Variants in POLL observed in about 807,000 individuals in gnomAD.
POLL encodes the protein DNA polymerase lambda.
In POLL, 44 loss-of-function variants were observed where a neutral mutation model predicts 58.1. The ratio of observed to expected loss-of-function variants is 0.76; its 90% confidence interval spans 0.60 to 0.97. The LOEUF (loss-of-function observed/expected upper bound fraction) is 0.97, where lower values mean the gene tolerates loss of function less well. Ranked by LOEUF, POLL falls within the 50% of genes least tolerant of loss-of-function variation. POLL has a pLI of 0.00. For missense variants in POLL, 632 were observed against 736.8 expected, an observed-to-expected ratio of 0.86 and a Z score of 1.65; for synonymous variants, 290 against 283.2, an observed-to-expected ratio of 1.02 and a Z score of -0.24.
Position 101,579,880 on chromosome 10 carries a change from C to A in POLL, c.1364-63G>T. The stretch of plus-strand genomic sequence containing the variant: ...CCAGGCCTGGGCTGTCCCATCCTCC[C>A]AGGTCTCTCCTGATGTCTAAGCTGG... On this transcript the variant is annotated intron_variant, in intron 8 of 8. Transcript: ENST00000370162. This position sits in a 1 kb window ranked among gnomAD's most constrained non-coding sequence, Gnocchi z 4.4. 1 of 1,546,464 alleles carries A rather than the reference C, an allele frequency of 6.5e-7. No individual in the cohort carries two copies. Among genetic ancestry groups the A allele is most frequent in the Non-Finnish European group, 8.7e-7 (1 of 1,145,734 alleles).
rs746951206 is a variant in POLL at position 101,579,714 on chromosome 10, C to T, written c.1467G>A (p.Leu489=). ...CGCTATAGGGCACCACGATGATGTC[C>T]AGGCGCCGGTGCCGCCGCCCTGGCC... ...LPGPGRRHRR[L]DIIVVPYSEF... is the part of the protein sequence containing the mutation. The change falls in exon 9 of 9, where the codon CTG becomes CTA. Residue 489 remains leucine (L), a synonymous_variant. Transcript: ENST00000370162. The surrounding 1 kb of genome is among the most constrained non-coding windows in gnomAD (Gnocchi z 4.4). The T allele has an allele frequency of 6.2e-7, 1 of 1,613,870 alleles. No homozygotes were observed. The highest frequency in any genetic ancestry group is 1.7e-5 in the Admixed American group (1 of 60,024).
rs545400809 is a variant in POLL, at chr10:101,582,801, G to A, written c.1156C>T (p.Arg386Cys). The A allele has an allele frequency of 6.8e-6, 11 of 1,614,116 alleles. No homozygotes were observed. The highest frequency in any genetic ancestry group is 2.7e-5 in the African/African-American group (2 of 75,036). ...GLKHYSDFLE[R>C]MPREEATEIE... ...TCTGTAGCCTCCTCCCTGGGCATAC[G>A]TTCCAGGAAGTCACTGTAATGCTTC... Residue 386 changes from arginine to cysteine, a missense_variant, in exon 7 of 9, where the codon CGT (arginine) becomes TGT (cysteine). Transcript: ENST00000370162.
At position 101,582,714 on chromosome 10, in the gene POLL, C is replaced by G. The variant is rs190922150; in HGVS notation, c.1194+49G>C. 1,360 of 1,601,154 alleles carry G rather than the reference C, an allele frequency of 8.5e-4. 1 individual carries two copies. Among genetic ancestry groups the G allele is most frequent in the Non-Finnish European group, 1.1e-3 (1,231 of 1,168,972 alleles). ...GGGGGTTCTTGGCTTTGACCCAAGA[C>G]CTTACAGCAGGACCTGGCTGTCCTC... On this transcript the variant is annotated intron_variant, in intron 7 of 8. Coordinates refer to ENST00000370162, the MANE Select transcript of POLL (RefSeq NM_001174084.2).
Position 101,585,455 on chromosome 10 carries a change from C to G in POLL, c.434G>C (p.Ser145Thr), listed in dbSNP as rs376672675. 6.3e-7 allele frequency: 1 copy of G among 1,576,646 alleles called. No individual in the cohort carries two copies. The highest frequency in any genetic ancestry group is 1.4e-5 in the African/African-American group (1 of 73,828). Residue 145 changes from serine to threonine, a missense_variant, in exon 4 of 9, where the codon AGC (serine) becomes ACC (threonine). Transcript: ENST00000370162. ...AATAGAAGCATCCTGCTCTGCCTTG[C>G]TGGGCTGTGGATGGTCCAAGTACCT... Reference protein sequence around the residue: ...PSRYLDHPQPSKAEQDASIPP... With the variant: ...PSRYLDHPQPTKAEQDASIPP...
chr10:101,586,980 A>G, intron 2 of POLL: 2 of 527,290 alleles, frequency 3.8e-6, no homozygotes, highest in Non-Finnish European at 3.4e-6. Flanking sequence ...TCCTCAGGGC[A>G]AAAATTATAC....
chr10:101,585,347 T>C lies in POLL; in HGVS notation c.542A>G (p.Lys181Arg). Residue 181 changes from lysine to arginine, a missense_variant, in exon 4 of 9, where the codon AAG (lysine) becomes AGG (arginine). Transcript: ENST00000370162. ...TTGGGTGTTTGGTGCCTCTTTTGCC[T>C]TTTGGGGAGGAGACACAGGCCTGGT... ...PPTRPVSPPQ[K>R]AKEAPNTQAQ... 1 of 1,589,524 alleles carries C rather than the reference T, an allele frequency of 6.3e-7. No homozygotes were observed. The highest frequency in any genetic ancestry group is 1.2e-5 in the South Asian group (1 of 86,896).
Position 101,580,364 on chromosome 10 carries a change from C to A in POLL, c.1247G>T (p.Gly416Val). 6.2e-7 allele frequency: 1 copy of A among 1,614,086 alleles called. No individual in the cohort carries two copies. The highest frequency in any genetic ancestry group is 8.5e-7 in the Non-Finnish European group (1 of 1,180,018). ...FNSGLLCVACGSYRRGKATCG... is the reference protein window; with the variant it reads ...FNSGLLCVACVSYRRGKATCG... ...GGTCGCCTTTCCCCGTCGGTATGAA[C>A]CACATGCCACACACAGCAGCCCAGA... Residue 416 changes from glycine to valine, a missense_variant, in exon 8 of 9, where the codon GGT becomes GTT. Transcript: ENST00000370162. This position sits in a 1 kb window ranked among gnomAD's most constrained non-coding sequence, Gnocchi z 4.1.
chr10:101,585,972 T>A lies in POLL; in HGVS notation c.300A>T (p.Leu100=), dbSNP rs757937376. Reference sequence around the variant, plus strand: ...GCTGAGCACCCGGGGGCAGCTGGGGTAGTCTGAGAAGGCGGAGGGCTCGCT... The same window carrying A: ...GCTGAGCACCCGGGGGCAGCTGGGGAAGTCTGAGAAGGCGGAGGGCTCGCT... The part of the protein sequence containing the change: ...DYERALRLLR[L]PQLPPGAQLV... The change falls in exon 3 of 9, where the codon CTA becomes CTT. Residue 100 remains leucine, a synonymous_variant. Coordinates refer to ENST00000370162, the MANE Select transcript of POLL (RefSeq NM_001174084.2). 6.2e-7 allele frequency: 1 copy of A among 1,613,882 alleles called. No individual in the cohort carries two copies. The highest frequency in any genetic ancestry group is 1.1e-5 in the South Asian group (1 of 91,060).
At position 101,579,508 on chromosome 10, in the gene POLL, T is replaced by G; in HGVS notation, c.1673A>C (p.Asp558Ala). ...GRVLPTPTEK[D>A]VFRLLGLPYR... is the part of the protein sequence containing the mutation. ...GGGGAGGCCTAAGAGCCTGAAGACA[T>G]CCTTCTCAGTGGGAGTGGGCAGCAC... Residue 558 changes from aspartate (D) to alanine (A), a missense_variant, in exon 9 of 9, where the codon GAT becomes GCT. By Grantham distance (126) the Asp-to-Ala change is moderately radical. Transcript: ENST00000370162. This position sits in a 1 kb window ranked among gnomAD's most constrained non-coding sequence, Gnocchi z 4.4. The G allele has an allele frequency of 6.2e-7, 1 of 1,613,480 alleles. No homozygotes were observed.
At position 101,579,841 on chromosome 10, in the gene POLL, G is replaced by A; in HGVS notation, c.1364-24C>T. ...CCCTGGCCCAACAGAGGGGACTGCT[G>A]GGAGGGCAGGGAACCAGGCCTGGGC... On this transcript the variant is annotated intron_variant, in intron 8 of 8. Coordinates refer to ENST00000370162, the MANE Select transcript of POLL (RefSeq NM_001174084.2). This position sits in a 1 kb window ranked among gnomAD's most constrained non-coding sequence, Gnocchi z 4.4. 2 of 1,597,132 alleles carry A rather than the reference G, an allele frequency of 1.3e-6. No individual in the cohort carries two copies. The highest frequency in any genetic ancestry group is 8.5e-7 in the Non-Finnish European group (1 of 1,171,228).
rs775811697 is a variant in POLL, at chr10:101,579,721, C to A, written c.1460G>T (p.Arg487Leu). Residue 487 changes from arginine to leucine, a missense_variant, in exon 9 of 9, where the codon CGG (arginine) becomes CTG (leucine). By Grantham distance (102) the Arg-to-Leu change is moderately radical (BLOSUM62 -2). Coordinates refer to ENST00000370162, the MANE Select transcript of POLL (RefSeq NM_001174084.2). This position sits in a 1 kb window ranked among gnomAD's most constrained non-coding sequence, Gnocchi z 4.4. Reference sequence around the variant, plus strand: ...GGGCACCACGATGATGTCCAGGCGCCGGTGCCGCCGCCCTGGCCCTGGGAG... The same window carrying A: ...GGGCACCACGATGATGTCCAGGCGCAGGTGCCGCCGCCCTGGCCCTGGGAG... ...CRLPGPGRRH[R>L]RLDIIVVPYS... 1.2e-6 allele frequency: 2 copies of A among 1,613,708 alleles called. No homozygotes were observed. The highest frequency in any genetic ancestry group is 1.7e-6 in the Non-Finnish European group (2 of 1,179,982).
chr10:101,585,373 G>GGGA lies in POLL; in HGVS notation c.513_515dup (p.Pro172dup), dbSNP rs765794882. 9 of 1,606,396 alleles carry GGGA rather than the reference G, an allele frequency of 5.6e-6. No homozygotes were observed. The highest frequency in any genetic ancestry group is 1.7e-4 in the Middle Eastern group (1 of 6,022). ...TTTGGGGAGGAGACACAGGCCTGGT[G>GGGA]GGAGGAGGAGGAGGAGAAAGGGCTG... is the stretch of plus-strand genomic sequence containing the variant. On this transcript the variant is annotated inframe_insertion, in exon 4 of 9. Coordinates refer to ENST00000370162, the MANE Select transcript of POLL (RefSeq NM_001174084.2).
At chr10:101,585,518 T>G in intron 3 of POLL, 40 bp from the exon 4 acceptor site, 1 of 1,451,046 alleles carries the variant, frequency 6.9e-7, no homozygotes, top group East Asian at 2.4e-5. Context: ...ACCAAAGGTC[T>G]CACCCTGTAT....
In POLL at chr10:101,579,996, T is replaced by C. The variant is rs868474782; in HGVS notation, c.1364-179A>G. The C allele has an allele frequency of 4.9e-5, 36 of 739,460 alleles. No homozygotes were observed. The Middle Eastern group carries it at 1.5e-3, about 31-fold the overall frequency. 45.8% of individuals were successfully genotyped at this position (739,460 alleles called of 1,614,324 possible). On this transcript the variant is annotated intron_variant, in intron 8 of 8. Coordinates refer to ENST00000370162, the MANE Select transcript of POLL (RefSeq NM_001174084.2). This position sits in a 1 kb window ranked among gnomAD's most constrained non-coding sequence, Gnocchi z 4.4. Reference sequence around the variant, plus strand: ...TGGATAGTAATTCCCATCTCCCCCATAGTGTCACAGAAAGATCAGATGAGA... The same window carrying C: ...TGGATAGTAATTCCCATCTCCCCCACAGTGTCACAGAAAGATCAGATGAGA...
rs1309531758 is a variant in POLL at position 101,587,893 on chromosome 10, G to A, written c.-118C>T. 2.5e-6 allele frequency: 3 copies of A among 1,203,566 alleles called. No individual in the cohort carries two copies. Among genetic ancestry groups the A allele is most frequent in the Non-Finnish European group, 3.2e-6 (3 of 948,918 alleles). 74.6% of individuals were successfully genotyped at this position (1,203,566 alleles called of 1,614,324 possible). ...GTGGGAACGCCCTGCACCTGTCCTG[G>A]TCTCAGCCTCTCGACATGGGGGTGC... On this transcript the variant is annotated 5_prime_UTR_variant, in exon 1 of 9. Coordinates refer to ENST00000370162, the MANE Select transcript of POLL (RefSeq NM_001174084.2).
At chr10:101,584,198 C>T (rs144269410) in intron 5 of POLL, among the ~76,000 whole-genome samples, 254 of 152,068 alleles carry the variant, frequency 1.7e-3, no homozygotes, top group African/African-American at 3.5e-3. Context: ...ACTTTTTAGG[C>T]GGGACACAAG....
chr10:101,579,843 G>GAGGGC lies in POLL; in HGVS notation c.1364-31_1364-27dup, dbSNP rs2062883481. ...CTGGCCCAACAGAGGGGACTGCTGGGAGGGCAGGGAACCAGGCCTGGGCTG... is the reference window on the plus strand; with the variant it reads ...CTGGCCCAACAGAGGGGACTGCTGGGAGGGCAGGGCAGGGAACCAGGCCTGGGCTG... On this transcript the variant is annotated intron_variant, in intron 8 of 8. Coordinates refer to ENST00000370162, the MANE Select transcript of POLL (RefSeq NM_001174084.2). This position sits in a 1 kb window ranked among gnomAD's most constrained non-coding sequence, Gnocchi z 4.4. 6.3e-7 allele frequency: 1 copy of GAGGGC among 1,597,398 alleles called. No individual in the cohort carries two copies. The highest frequency in any genetic ancestry group is 8.5e-7 in the Non-Finnish European group (1 of 1,171,348).
chr10:101,587,648 T>C, intron 1 of POLL, 174 bp downstream of exon 1: 4 of 952,152 alleles, frequency 4.2e-6, no homozygotes, highest in Non-Finnish European at 5.6e-6. Flanking sequence ...TTTTGAGGAG[T>C]AGGAAACGAC....
In POLL at chr10:101,588,018, A is replaced by T. The variant is rs751662514; in HGVS notation, c.-243T>A. The stretch of plus-strand genomic sequence containing the variant: ...CGCAGCTGCGGGTGAAGTCCCGGGC[A>T]GGTGCGGTGTACTCGCCGTGTACGC... On this transcript the variant is annotated 5_prime_UTR_variant, in exon 1 of 9. Coordinates refer to ENST00000370162, the MANE Select transcript of POLL (RefSeq NM_001174084.2). 3 of 1,364,498 alleles carry T rather than the reference A, an allele frequency of 2.2e-6. No homozygotes were observed. Among genetic ancestry groups the T allele is most frequent in the Non-Finnish European group, 2.9e-6 (3 of 1,037,702 alleles). 84.5% of individuals were successfully genotyped at this position (1,364,498 alleles called of 1,614,324 possible). A position where few individuals can be genotyped will look rare whatever the true frequency, so the allele number is the denominator to read the frequency against.
Sources: gnomAD v4.1 joint callset for allele counts (sites outside exome capture counted in the v4.1 genomes callset) on GRCh38, gnomAD v4.1.1 for gene constraint, Gnocchi (gnomAD v3.1) non-coding constraint, MANE v1.5 for transcripts, NCBI Gene and HGNC (gene_info 2026-07-23, HGNC 2026-07-21) for gene names.